Variants in RUBCN observed in about 807,000 individuals in gnomAD.
RUBCN encodes run domain Beclin-1-interacting and cysteine-rich domain-containing protein.
A neutral mutation model predicts 113.2 loss-of-function variants in RUBCN; 74 were observed. That is an observed-to-expected ratio of 0.65 (90% CI 0.54 to 0.79). The LOEUF (loss-of-function observed/expected upper bound fraction) is 0.79. Ranked by LOEUF, RUBCN falls within the 30% of genes least tolerant of loss-of-function variation. The probability of loss-of-function intolerance (pLI) is 0.00; values close to 1 mark genes in which losing one functional copy is unlikely to be tolerated. For missense variants in RUBCN, 1,109 were observed against 1,251.7 expected (o/e 0.89, Z 1.72); for synonymous variants, 480 against 490.0 (o/e 0.98, Z 0.27).
intron 1 of RUBCN, among the ~76,000 whole-genome samples, chr3:197,734,585 A>G (rs1420857195): frequency 6.6e-6 from 1 of 152,188 alleles, no homozygotes; most frequent in African/African-American, 2.4e-5. Context: ...TATAGGGATT[A>G]AAGAAGTTAA....
chr3:197,695,789 C>A, intron 9 of RUBCN, 77 bp downstream of exon 9: 3 of 1,313,492 alleles, frequency 2.3e-6, no homozygotes, highest in Non-Finnish European at 3.3e-6. Flanking sequence ...AAAACCTCAT[C>A]AGAACAAATG....
intron 3 of RUBCN, 88 bp downstream of exon 3, chr3:197,705,004 C>T (rs552541677): frequency 1.9e-6 from 2 of 1,043,338 alleles, no homozygotes; most frequent in South Asian, 2.6e-5. Flanking sequence ...ATATTCCCTC[C>T]TTGGAGCCTA....
intron 11 of RUBCN, among the ~76,000 whole-genome samples, chr3:197,687,070 C>A: frequency 6.6e-6 from 1 of 152,156 alleles, no homozygotes; most frequent in East Asian, 1.9e-4. Flanking sequence ...AATTTTTAAA[C>A]AAAGTAAGTG....
upstream of RUBCN, among the ~76,000 whole-genome samples, chr3:197,738,399 G>C (rs1474470736): frequency 6.6e-6 from 1 of 152,040 alleles, no homozygotes; most frequent in Admixed American, 6.6e-5. Context: ...ATGGCTTTTA[G>C]GTATTTTCAA....
chr3:197,719,191 A>G (rs1364899920), intron 1 of RUBCN, among the ~76,000 whole-genome samples: 2 of 152,126 alleles, frequency 1.3e-5, no homozygotes, highest in Non-Finnish European at 2.9e-5. Flanking sequence ...AAAGAACATC[A>G]TGAGGCTGGA....
chr3:197,669,736 C>T lies in RUBCN; in HGVS notation c.*5282G>A, dbSNP rs533873560. Among the ~76,000 whole-genome samples, 11 of 152,268 alleles carry T rather than the reference C, an allele frequency of 7.2e-5. No homozygotes were observed. The East Asian group carries it at 9.6e-4, about 13-fold the overall frequency. On this transcript the variant is annotated 3_prime_UTR_variant, in exon 20 of 20. Transcript: ENST00000296343. ...AAACTCCACCTCCTGGGAGAATTTACGTATTTTGTTTAGAATTCTTCTGTG... is the reference window on the plus strand; with the variant it reads ...AAACTCCACCTCCTGGGAGAATTTATGTATTTTGTTTAGAATTCTTCTGTG...
At position 197,682,574 on chromosome 3, in the gene RUBCN, G is replaced by A. The variant is rs770903819; in HGVS notation, c.2022C>T (p.Asp674=). Residue 674 remains aspartate (D), a synonymous_variant, in exon 14 of 20, where the codon GAC becomes GAT. Transcript: ENST00000296343. ...IPDSLPISPD[D]GQHADIYKLR... ...GCTTGTAGATGTCAGCGTGCTGCCC[G>A]TCATCCGGTGAGATGGGCAGTGAGT... 24 of 1,614,004 alleles carry A rather than the reference G, an allele frequency of 1.5e-5. No homozygotes were observed. The highest frequency in any genetic ancestry group is 1.3e-4 in the South Asian group (12 of 91,076).
intron 1 of RUBCN, among the ~76,000 whole-genome samples, chr3:197,744,013 T>A (rs897531561): frequency 6.6e-6 from 1 of 151,412 alleles, no homozygotes; most frequent in African/African-American, 2.4e-5. Context: ...ATAACTAATA[T>A]TAGCTAATAA....
chr3:197,717,949 A>G (rs1725726914), intron 2 of RUBCN, 28 bp downstream of exon 2: 2 of 1,612,722 alleles, frequency 1.2e-6, no homozygotes, highest in Non-Finnish European at 1.7e-6. Context: ...GAGTCAGCCA[A>G]TCTGGCAAAA....
At chr3:197,739,725 A>G (rs1449096958), upstream of RUBCN, among the ~76,000 whole-genome samples, 1 of 152,164 alleles carries the variant, frequency 6.6e-6, no homozygotes, top group East Asian at 1.9e-4. Context: ...TTCAAAAAAA[A>G]AGGCAATCAG....
intron 2 of RUBCN, among the ~76,000 whole-genome samples, chr3:197,713,352 G>T (rs1299807042): frequency 6.6e-6 from 1 of 152,164 alleles, no homozygotes; most frequent in Non-Finnish European, 1.5e-5. Context: ...GCCAAGAGAA[G>T]AACCCATTTG....
chr3:197,747,328 T>G (rs967136627), intron 1 of RUBCN, among the ~76,000 whole-genome samples: 12 of 152,136 alleles, frequency 7.9e-5, no homozygotes, highest in African/African-American at 2.9e-4. Context: ...CATGGCCTTT[T>G]GCACTATAGA....
intron 11 of RUBCN, among the ~76,000 whole-genome samples, chr3:197,692,876 G>T (rs1722579841): frequency 6.6e-6 from 1 of 152,190 alleles, no homozygotes; most frequent in Non-Finnish European, 1.5e-5. Context: ...AAAGCCTCTT[G>T]CAACACAAGA....
chr3:197,708,105 T>C (rs904467588), intron 2 of RUBCN, among the ~76,000 whole-genome samples: 1 of 152,198 alleles, frequency 6.6e-6, no homozygotes, highest in African/African-American at 2.4e-5. Flanking sequence ...TTTAGCATTT[T>C]TTATGATAGC....
At chr3:197,739,398 GAAA>G (rs67135851), upstream of RUBCN, among the ~76,000 whole-genome samples, 1 of 136,402 alleles carries the variant, frequency 7.3e-6, no homozygotes. Flanking sequence ...TCTGAAAAAA[GAAA>G]AAAAAAAAAA....
In RUBCN at chr3:197,674,872, CA is replaced by C; in HGVS notation, c.*145del. On this transcript the variant is annotated 3_prime_UTR_variant, in exon 20 of 20. Coordinates refer to ENST00000296343, the MANE Select transcript of RUBCN (RefSeq NM_014687.4). ...CGGCTGACTGCACACAGACGTCAGA[CA>C]AGTCAGTAAAAAAAAAAAAAAAGAT... is the stretch of plus-strand genomic sequence containing the variant. 6.7e-6 allele frequency: 4 copies of C among 598,548 alleles called. No homozygotes were observed. The highest frequency in any genetic ancestry group is 3.0e-5 in the African/African-American group (1 of 32,892). 37.1% of individuals were successfully genotyped at this position (598,548 alleles called of 1,614,324 possible).
intron 1 of RUBCN, among the ~76,000 whole-genome samples, chr3:197,746,413 C>A (rs1231080436): frequency 1.3e-5 from 2 of 152,190 alleles, no homozygotes; most frequent in Non-Finnish European, 2.9e-5. Context: ...TTCCAGATCA[C>A]TTACAGGAAA....
chr3:197,736,694 T>G lies in RUBCN; in HGVS notation c.26A>C (p.Glu9Ala), dbSNP rs1405278158. The G allele has an allele frequency of 1.3e-6, 2 of 1,531,508 alleles. No homozygotes were observed. The highest frequency in any genetic ancestry group is 2.8e-5 in the African/African-American group (2 of 72,518). The allele number at this position is 1,531,508 out of a possible 1,614,324, so 94.9% of individuals were successfully genotyped here. A position where few individuals can be genotyped will look rare whatever the true frequency, so the allele number is the denominator to read the frequency against. The change falls in exon 1 of 20, where the codon GAG becomes GCG. Residue 9 changes from glutamate (E) to alanine (A), a missense_variant. Around this residue, in one of 3 missense-constraint regions of RUBCN, gnomAD observed 736 missense variants for 779.6 expected, o/e 0.94. Transcript: ENST00000296343. ...CAGGCGCTCCTCGCCGCCTCCGAGC[T>G]CCATTCCCGCGCCCTCCGGCCGCAT... is the stretch of plus-strand genomic sequence containing the variant. Reference protein sequence around the residue: MRPEGAGMELGGGEERLPE... With the variant: MRPEGAGMALGGGEERLPE...
At chr3:197,710,669 G>C (rs1307665187) in intron 2 of RUBCN, among the ~76,000 whole-genome samples, 1 of 150,132 alleles carries the variant, frequency 6.7e-6, no homozygotes, top group Non-Finnish European at 1.5e-5. Flanking sequence ...CCATTACAAA[G>C]GACTAATTTC....
Sources: allele counts gnomAD v4.1 joint callset (sites outside exome capture counted in the v4.1 genomes callset), GRCh38; gene constraint gnomAD v4.1.1; regional missense constraint gnomAD v4.1.1; transcripts MANE v1.5; gene names NCBI Gene and HGNC (gene_info 2026-07-23, HGNC 2026-07-21).